Variants in TMEM164 observed in about 807,000 individuals in gnomAD.
The protein encoded by TMEM164 is transmembrane protein 164, also known as RP13-360B22.2.
TMEM164 carries 4 observed loss-of-function variants against 18.8 expected under a neutral mutation model. That is an observed-to-expected ratio of 0.21 (90% CI 0.10 to 0.49). TMEM164 has a LOEUF of 0.49. Among genes scored for constraint, TMEM164 ranks in the 20% least tolerant of loss-of-function variants. The pLI, the probability that TMEM164 is intolerant of heterozygous loss-of-function variation, is 0.98. For missense variants in TMEM164, 108 were observed against 239.9 expected (o/e 0.45, Z 3.63); for synonymous variants, 86 against 101.7 (o/e 0.85, Z 0.93).
At chrX:110,114,565 C>T (rs1299391650) in intron 4 of TMEM164, among the ~76,000 whole-genome samples, 3 of 111,957 alleles carry the variant, frequency 2.7e-5, no homozygotes, top group African/African-American at 9.7e-5. Flanking sequence ...TTACAGTACT[C>T]ACGTGCAAAG....
chrX:110,075,578 G>T (rs758016839), intron 3 of TMEM164, among the ~76,000 whole-genome samples: 1 of 111,598 alleles, frequency 9.0e-6, no homozygotes, highest in South Asian at 3.7e-4. Flanking sequence ...CATTCAGTAT[G>T]ATGTTGGCTG....
chrX:110,123,954 T>A (rs1464084319), intron 4 of TMEM164, among the ~76,000 whole-genome samples: 1 of 111,035 alleles, frequency 9.0e-6, no homozygotes, highest in East Asian at 2.8e-4. Flanking sequence ...CTACCAAAAT[T>A]TTTTTTAAAA....
At chrX:110,024,395 C>T (rs147542567) in intron 2 of TMEM164, among the ~76,000 whole-genome samples, 1,507 of 111,152 alleles carry the variant, frequency 0.014, 13 homozygotes, top group Non-Finnish European at 0.02. Context: ...AGAGTTCTTC[C>T]ACCTCAGCCT....
downstream of TMEM164, chrX:110,182,667 G>C (rs2067327990): frequency 9.0e-6 from 1 of 111,635 alleles, no homozygotes; most frequent in African/African-American, 3.3e-5. Flanking sequence ...TGGCTGTCTG[G>C]CCCATGCAGA....
chrX:110,022,361 A>G (rs1933934105), intron 2 of TMEM164, among the ~76,000 whole-genome samples: 1 of 111,584 alleles, frequency 9.0e-6, no homozygotes, highest in African/African-American at 3.3e-5. Flanking sequence ...AAGATTCTCA[A>G]TAATAGTAAC....
intron 2 of TMEM164, among the ~76,000 whole-genome samples, chrX:110,014,288 C>G (rs764518805): frequency 1.4e-4 from 16 of 111,058 alleles, no homozygotes; most frequent in Non-Finnish European, 1.3e-4. Flanking sequence ...TACAGGAAAG[C>G]TTTTCCAAGA....
chrX:110,018,111 G>A (rs932818719), intron 2 of TMEM164, among the ~76,000 whole-genome samples: 3 of 111,873 alleles, frequency 2.7e-5, no homozygotes, highest in Non-Finnish European at 3.8e-5. Context: ...ATATAACTGA[G>A]GCCATCATTT....
At chrX:110,046,837 A>G (rs775248063) in intron 2 of TMEM164, among the ~76,000 whole-genome samples, 2 of 112,111 alleles carry the variant, frequency 1.8e-5, no homozygotes, top group Non-Finnish European at 3.8e-5. Context: ...AATATCCACA[A>G]TAGCATTTCT....
At chrX:110,156,824 G>A (rs1278978735) in intron 5 of TMEM164, among the ~76,000 whole-genome samples, 2 of 111,003 alleles carry the variant, frequency 1.8e-5, no homozygotes, top group Non-Finnish European at 3.8e-5. Context: ...ATTCATGAGG[G>A]ATCCACCCTC....
chrX:110,050,082 G>A (rs751323183), intron 2 of TMEM164, among the ~76,000 whole-genome samples: 1 of 111,915 alleles, frequency 8.9e-6, no homozygotes, highest in South Asian at 3.8e-4. Flanking sequence ...AACCATCAAT[G>A]CTTTGCCCCG....
intron 2 of TMEM164, among the ~76,000 whole-genome samples, chrX:110,017,091 C>A (rs1352502377): frequency 8.9e-6 from 1 of 112,164 alleles, no homozygotes; most frequent in African/African-American, 3.2e-5. Context: ...CTGAAAGAAA[C>A]CTCTGAGAAC....
At chrX:110,113,125 CAAAT>C (rs2066314838) in intron 4 of TMEM164, among the ~76,000 whole-genome samples, 1 of 111,654 alleles carries the variant, frequency 9.0e-6, no homozygotes, top group Admixed American at 9.6e-5. Context: ...TAATACTTTC[CAAAT>C]AAATGTGAGG....
At chrX:110,084,958 T>C (rs1448422470) in intron 3 of TMEM164, among the ~76,000 whole-genome samples, 7 of 110,878 alleles carry the variant, frequency 6.3e-5, no homozygotes, top group African/African-American at 2.3e-4. Context: ...CTAGGTTGTC[T>C]TTCCTTCTCA....
chrX:110,006,080 C>T (rs966472473), intron 2 of TMEM164, among the ~76,000 whole-genome samples: 5 of 111,677 alleles, frequency 4.5e-5, no homozygotes, highest in Admixed American at 2.8e-4. Context: ...CTTCCTGGGC[C>T]TCAGTTTGCC....
rs750281750 is a variant in TMEM164 at position 110,106,570 on chromosome X, C to T, written c.441-2510C>T. On this transcript the variant is annotated intron_variant, in intron 3 of 6. Transcript: ENST00000372068. ...TGTATTTTTAGTAGAGACGGGGTTT[C>T]GCCATGTTGGCCAGGCTGGTCTTGG... 4.5e-5 allele frequency among the ~76,000 whole-genome samples: 5 copies of T among 110,824 alleles called. No homozygotes were observed. The South Asian group carries it at 1.9e-3, about 43-fold the overall frequency.
At chrX:110,109,800 G>A (rs1012336747) in intron 4 of TMEM164, among the ~76,000 whole-genome samples, 4 of 111,781 alleles carry the variant, frequency 3.6e-5, no homozygotes, top group Non-Finnish European at 5.7e-5. Flanking sequence ...TGGTTGCAGC[G>A]GGCTGGGTGA....
chrX:110,137,086 T>C (rs1214832406), intron 4 of TMEM164, among the ~76,000 whole-genome samples: 1 of 112,132 alleles, frequency 8.9e-6, no homozygotes, highest in East Asian at 2.8e-4. Context: ...CTGATGTACA[T>C]TTAGGTGTGC....
intron 3 of TMEM164, among the ~76,000 whole-genome samples, chrX:110,080,664 T>A (rs1317132162): frequency 8.9e-6 from 1 of 112,262 alleles, no homozygotes; most frequent in African/African-American, 3.2e-5. Context: ...GCTGACTTTT[T>A]AAAAATCACC....
rs190291780 is a variant in TMEM164, at chrX:110,078,861, A to G, written c.440+11465A>G. On this transcript the variant is annotated intron_variant, in intron 3 of 6. Transcript: ENST00000372068. ...TTAAACTTTATACTTTGAGATAAGT[A>G]TATAATATGAGGAGATTTCAAAAAG... 7.8e-3 allele frequency among the ~76,000 whole-genome samples: 877 copies of G among 112,155 alleles called. 6 individuals carry two copies. The highest frequency in any genetic ancestry group is 0.012 in the Non-Finnish European group (663 of 53,220).
Sources: gnomAD v4.1 joint callset for allele counts (sites outside exome capture counted in the v4.1 genomes callset) on GRCh38, gnomAD v4.1.1 for gene constraint, MANE v1.5 for transcripts, NCBI Gene and HGNC (gene_info 2026-07-23, HGNC 2026-07-21) for gene names.